Variants in PLB1 observed in about 807,000 individuals in gnomAD.
The protein encoded by PLB1 is phospholipase B1, membrane-associated.
In PLB1, 242 loss-of-function variants were observed where a neutral mutation model predicts 227.4. The ratio of observed to expected loss-of-function variants is 1.06; its 90% confidence interval spans 0.96 to 1.18. The LOEUF (loss-of-function observed/expected upper bound fraction) is 1.18, where lower values mean the gene tolerates loss of function less well. Ranked by LOEUF, PLB1 falls within the 50% of genes most tolerant of loss-of-function variation. The probability of loss-of-function intolerance (pLI) is 0.00; values close to 1 mark genes in which losing one functional copy is unlikely to be tolerated. For synonymous variants in PLB1, 757 were observed against 682.2 expected (o/e 1.11, Z -1.71); for missense variants, 1,858 against 1,816.3 (o/e 1.02, Z -0.42).
chr2:28,635,129 C>T (rs1689144670), intron 56 of PLB1, among the ~76,000 whole-genome samples: 2 of 152,148 alleles, frequency 1.3e-5, no homozygotes, highest in South Asian at 2.1e-4. Flanking sequence ...CTCAGCCATA[C>T]CCCGAATTTC....
At chr2:28,625,780 C>T (rs889835821) in intron 50 of PLB1, among the ~76,000 whole-genome samples, 75 of 152,148 alleles carry the variant, frequency 4.9e-4, no homozygotes, top group African/African-American at 1.6e-3. Context: ...GTAATCCCCT[C>T]GGCATTTAAT....
chr2:28,569,425 T>TTTTCTCTA (rs1217165467), intron 20 of PLB1, among the ~76,000 whole-genome samples: 2 of 152,048 alleles, frequency 1.3e-5, no homozygotes, highest in Admixed American at 6.5e-5. Flanking sequence ...TGTGGATCCA[T>TTTTCTCTA]ATTAGTAAAG....
At chr2:28,554,102 C>G (rs921167677) in intron 17 of PLB1, among the ~76,000 whole-genome samples, 1 of 152,182 alleles carries the variant, frequency 6.6e-6, no homozygotes, top group Admixed American at 6.5e-5. Context: ...GTAGATCTTA[C>G]ATATACACAT....
chr2:28,540,004 C>T (rs1348863428), intron 11 of PLB1, among the ~76,000 whole-genome samples: 2 of 146,362 alleles, frequency 1.4e-5, no homozygotes. Context: ...GAGAGCTTCC[C>T]TCCATCCCAT....
At chr2:28,556,033 T>C (rs191438682) in intron 17 of PLB1, among the ~76,000 whole-genome samples, 77 of 152,082 alleles carry the variant, frequency 5.1e-4, no homozygotes, top group Non-Finnish European at 7.5e-4. Context: ...GTCCAGCTAA[T>C]TTTATTTTTT....
At chr2:28,551,318 C>T (rs1469508773) in intron 16 of PLB1, among the ~76,000 whole-genome samples, 1 of 152,178 alleles carries the variant, frequency 6.6e-6, no homozygotes, top group Non-Finnish European at 1.5e-5. Flanking sequence ...TGAGACTTCC[C>T]ATGGAGATTA....
intron 1 of PLB1, among the ~76,000 whole-genome samples, chr2:28,505,784 G>C (rs1486021665): frequency 6.6e-6 from 1 of 152,164 alleles, no homozygotes; most frequent in Non-Finnish European, 1.5e-5. Context: ...GAGAACTTTT[G>C]GTGGCCTGAG....
rs538603180 is a variant in PLB1 at position 28,548,961 on chromosome 2, T to C, written c.1008+30T>C. ...GAGGGACTGGGCAGAGGAGGGACTC[T>C]TATTGAATCGAGGGCGCAGGTGGGG... is the stretch of plus-strand genomic sequence containing the variant. On this transcript the variant is annotated intron_variant, in intron 15 of 57. Transcript: ENST00000327757. The C allele has an allele frequency of 6.2e-6, 10 of 1,609,150 alleles. No homozygotes were observed. In the African/African-American group the frequency reaches 1.1e-4, roughly 17 times the overall value.
At chr2:28,523,633 C>T (rs992443968) in intron 4 of PLB1, among the ~76,000 whole-genome samples, 2 of 152,136 alleles carry the variant, frequency 1.3e-5, no homozygotes, top group African/African-American at 4.8e-5. Flanking sequence ...GGCCTTGTTC[C>T]TCTTATTCTC....
At chr2:28,523,201 C>T (rs1669752502) in intron 4 of PLB1, among the ~76,000 whole-genome samples, 1 of 150,414 alleles carries the variant, frequency 6.6e-6, no homozygotes, top group African/African-American at 2.4e-5. Flanking sequence ...TCTTTTATTC[C>T]TCTACCTCAA....
At chr2:28,501,826 A>G (rs1183183384) in intron 1 of PLB1, among the ~76,000 whole-genome samples, 1 of 152,142 alleles carries the variant, frequency 6.6e-6, no homozygotes, top group African/African-American at 2.4e-5. Flanking sequence ...CCAACTGCAG[A>G]ATATTCCAGT....
chr2:28,564,574 C>A (rs1676571732), intron 18 of PLB1, among the ~76,000 whole-genome samples: 2 of 152,216 alleles, frequency 1.3e-5, no homozygotes, highest in Admixed American at 6.5e-5. Context: ...GGGGTCATCA[C>A]ATCTCGGCAC....
chr2:28,595,589 C>A (rs1345822154), intron 33 of PLB1: 1 of 152,156 alleles, frequency 6.6e-6, no homozygotes, highest in Non-Finnish European at 1.5e-5. Context: ...ATCTGTTTAA[C>A]CCAATGTTTC....
intron 4 of PLB1, 61 bp downstream of exon 4, chr2:28,519,824 G>GGGCT: frequency 7.3e-7 from 1 of 1,376,178 alleles, no homozygotes; most frequent in African/African-American, 1.4e-5. Context: ...TCCTCTGAAT[G>GGGCT]GGCTCCTGGT....
rs1679579481 is a variant in PLB1 at position 28,579,627 on chromosome 2, A to G, written c.1486A>G (p.Arg496Gly). ...RLVDLMKNDT[R>G]IHFQEDWKII... is the part of the protein sequence containing the mutation. Reference sequence around the variant, plus strand: ...ACTTCTGTGTTTCTATTCATTTCAGAGGATACACTTTCAGGAAGACTGGAA... The same window carrying G: ...ACTTCTGTGTTTCTATTCATTTCAGGGGATACACTTTCAGGAAGACTGGAA... Residue 496 changes from arginine (R) to glycine (G), a missense_variant and splice_region_variant, in exon 23 of 58, where the codon AGG becomes GGG. By Grantham distance (125) the Arg-to-Gly change is moderately radical. Transcript: ENST00000327757. The G allele has an allele frequency of 6.2e-7, 1 of 1,609,986 alleles. No homozygotes were observed. The highest frequency in any genetic ancestry group is 8.5e-7 in the Non-Finnish European group (1 of 1,176,406).
chr2:28,535,386 C>T (rs568472710), intron 9 of PLB1, among the ~76,000 whole-genome samples: 18 of 152,350 alleles, frequency 1.2e-4, no homozygotes, highest in Admixed American at 9.1e-4. Flanking sequence ...CCACTTACCC[C>T]AGAGGCCCTG....
At chr2:28,604,919 G>A (rs1300096581) in intron 41 of PLB1, among the ~76,000 whole-genome samples, 160 bp downstream of exon 41, 1 of 152,208 alleles carries the variant, frequency 6.6e-6, no homozygotes, top group African/African-American at 2.4e-5. Context: ...AGCCACATCC[G>A]TATGTGCGAG....
chr2:28,532,973 A>G (rs1224371350), intron 9 of PLB1, among the ~76,000 whole-genome samples: 1 of 152,178 alleles, frequency 6.6e-6, no homozygotes, highest in African/African-American at 2.4e-5. Flanking sequence ...AGCCATGGTG[A>G]AATAAATGGC....
rs759212595 is a variant in PLB1, at chr2:28,589,734, T to C, written c.1980T>C (p.Ser660=). 2.9e-5 allele frequency: 46 copies of C among 1,613,934 alleles called. No individual in the cohort carries two copies. The highest frequency in any genetic ancestry group is 3.8e-5 in the Non-Finnish European group (45 of 1,180,036). ...ACTGTTTCCACTTCAGCAGCAAGTCTCACTCCCGAGCAGCCAGTGCTCTCT... is the reference window on the plus strand; with the variant it reads ...ACTGTTTCCACTTCAGCAGCAAGTCCCACTCCCGAGCAGCCAGTGCTCTCT... ...APDCFHFSSK[S]HSRAASALWN... is the part of the protein sequence containing the mutation. Residue 660 remains serine (S), a synonymous_variant, in exon 28 of 58, where the codon TCT becomes TCC. Coordinates refer to ENST00000327757, the MANE Select transcript of PLB1 (RefSeq NM_153021.5).
Sources: gnomAD v4.1 joint callset for allele counts (sites outside exome capture counted in the v4.1 genomes callset) on GRCh38, gnomAD v4.1.1 for gene constraint, MANE v1.5 for transcripts, NCBI Gene and HGNC (gene_info 2026-07-23, HGNC 2026-07-21) for gene names.